Variants in TMCC1 observed in about 807,000 individuals in gnomAD.
TMCC1 encodes transmembrane and coiled-coil domains protein 1.
A neutral mutation model predicts 52.4 loss-of-function variants in TMCC1; 15 were observed. The observed-to-expected ratio is 0.29, with a 90% CI of 0.19 to 0.44. TMCC1 has a LOEUF of 0.44. Among genes scored for constraint, TMCC1 ranks in the 20% least tolerant of loss-of-function variants. The probability of loss-of-function intolerance (pLI) is 1.00; values close to 1 mark genes in which losing one functional copy is unlikely to be tolerated. For missense variants in TMCC1, 503 were observed against 806.0 expected (o/e 0.62, Z 4.55); for synonymous variants, 279 against 301.9 (o/e 0.92, Z 0.79).
chr3:129,863,481 T>TA lies in TMCC1; in HGVS notation c.-184+16827_-184+16828insT, dbSNP rs1577131606. Among the ~76,000 whole-genome samples, 3 of 152,148 alleles carry TA rather than the reference T, an allele frequency of 2.0e-5. No homozygotes were observed. In the East Asian group the frequency reaches 5.8e-4, roughly 29 times the overall value. On this transcript the variant is annotated intron_variant, in intron 2 of 6. Coordinates refer to ENST00000393238, the MANE Select transcript of TMCC1 (RefSeq NM_001017395.5). ...CCTCACAGAGATTGAATCCTGAGAT[T>TA]CTACTGAGAAGGTGAAAAGAAAAAG...
intron 2 of TMCC1, among the ~76,000 whole-genome samples, chr3:129,876,099 A>C (rs1234980953): frequency 6.7e-6 from 1 of 150,334 alleles, no homozygotes; most frequent in East Asian, 2.0e-4. Flanking sequence ...ACACCACTGC[A>C]CTCCAGCCTG....
Position 129,651,432 on chromosome 3 carries a change from G to T in TMCC1, c.*49C>A. 2 of 1,566,966 alleles carry T rather than the reference G, an allele frequency of 1.3e-6. No individual in the cohort carries two copies. Among genetic ancestry groups the T allele is most frequent in the Non-Finnish European group, 1.7e-6 (2 of 1,152,064 alleles). On this transcript the variant is annotated 3_prime_UTR_variant, in exon 7 of 7. Transcript: ENST00000393238. The surrounding 1 kb of genome is among the most constrained non-coding windows in gnomAD (Gnocchi z 5.1). ...TAGGTAAGTTGCTGTCTAACTCTCTGCTGCATGCACTCGCCAGAGGGTAGG... is the reference window on the plus strand; with the variant it reads ...TAGGTAAGTTGCTGTCTAACTCTCTTCTGCATGCACTCGCCAGAGGGTAGG...
intron 5 of TMCC1, among the ~76,000 whole-genome samples, chr3:129,669,664 A>G (rs867276792): frequency 2.6e-5 from 4 of 152,182 alleles, no homozygotes; most frequent in Non-Finnish European, 5.9e-5. Context: ...TCTGCGTGTG[A>G]AGGTAACAAG....
intron 2 of TMCC1, among the ~76,000 whole-genome samples, chr3:129,852,622 G>A (rs2059968859): frequency 1.3e-5 from 2 of 152,120 alleles, no homozygotes; most frequent in South Asian, 4.1e-4. Context: ...GGCTGGTCCT[G>A]ATGGTTACAC....
chr3:129,717,060 A>T (rs1308675502), intron 4 of TMCC1, among the ~76,000 whole-genome samples: 2 of 152,226 alleles, frequency 1.3e-5, no homozygotes, highest in African/African-American at 4.8e-5. Flanking sequence ...CCTGTCTTAA[A>T]TAAACTTCTT....
intron 4 of TMCC1, among the ~76,000 whole-genome samples, chr3:129,771,876 A>G (rs2054611648): frequency 6.6e-6 from 1 of 151,796 alleles, no homozygotes; most frequent in African/African-American, 2.4e-5. Context: ...AGATGGAGAA[A>G]CTAGTTAGAA....
At chr3:129,824,692 A>G (rs528589185) in intron 4 of TMCC1, among the ~76,000 whole-genome samples, 6 of 147,740 alleles carry the variant, frequency 4.1e-5, no homozygotes, top group African/African-American at 1.5e-4. Context: ...AGAAAGCCAA[A>G]ATACATCTTC....
chr3:129,746,748 C>G (rs983051869), intron 4 of TMCC1, among the ~76,000 whole-genome samples: 1 of 152,130 alleles, frequency 6.6e-6, no homozygotes, highest in Non-Finnish European at 1.5e-5. Context: ...ATACCTAATT[C>G]CCCTATATTC....
intron 4 of TMCC1, among the ~76,000 whole-genome samples, chr3:129,696,179 T>C (rs2047407498): frequency 6.6e-6 from 1 of 152,232 alleles, no homozygotes; most frequent in Non-Finnish European, 1.5e-5. Flanking sequence ...TGTCACCTAT[T>C]GTCTCTAAGG....
chr3:129,852,456 C>CAAA (rs1015860543), intron 2 of TMCC1, among the ~76,000 whole-genome samples: 31 of 39,768 alleles, frequency 7.8e-4, no homozygotes, highest in East Asian at 1.7e-3. Flanking sequence ...GACACCGTCT[C>CAAA]AAAAAAAAAA....
At chr3:129,673,894 C>T (rs749743320) in intron 4 of TMCC1, among the ~76,000 whole-genome samples, 6 of 152,072 alleles carry the variant, frequency 3.9e-5, no homozygotes, top group South Asian at 2.1e-4. Context: ...AATGACATTT[C>T]GGTCAATGAT....
At chr3:129,737,676 C>G (rs181022784) in intron 4 of TMCC1, among the ~76,000 whole-genome samples, 158 of 152,220 alleles carry the variant, frequency 1.0e-3, no homozygotes, top group African/African-American at 3.4e-3. Flanking sequence ...CCCAGTCTAG[C>G]GCATTTTGTT....
intron 5 of TMCC1, among the ~76,000 whole-genome samples, chr3:129,668,094 G>A (rs536323987): frequency 6.6e-6 from 1 of 152,264 alleles, no homozygotes; most frequent in East Asian, 1.9e-4. Context: ...AGGTTGAGAT[G>A]GGAGGATCAC....
chr3:129,678,244 C>T (rs1056147418), intron 4 of TMCC1, among the ~76,000 whole-genome samples: 3 of 151,644 alleles, frequency 2.0e-5, no homozygotes, highest in African/African-American at 7.3e-5. Context: ...TCTCATATAC[C>T]TTATATCCAT....
chr3:129,695,738 C>A (rs1477650275), intron 4 of TMCC1, among the ~76,000 whole-genome samples: 1 of 152,102 alleles, frequency 6.6e-6, no homozygotes, highest in East Asian at 1.9e-4. Flanking sequence ...CAAATCATAT[C>A]ATTCTGCCCC....
chr3:129,701,980 A>T (rs1038223432), intron 4 of TMCC1, among the ~76,000 whole-genome samples: 9 of 152,162 alleles, frequency 5.9e-5, no homozygotes, highest in Non-Finnish European at 7.4e-5. Flanking sequence ...ATAGAAAAAA[A>T]TTTTTTAAAA....
intron 1 of TMCC1, among the ~76,000 whole-genome samples, chr3:129,881,335 C>G (rs114581237): frequency 2.1e-4 from 32 of 152,266 alleles, no homozygotes; most frequent in African/African-American, 7.2e-4. Context: ...AAATCTATTT[C>G]AAGTTTTTTG....
intron 4 of TMCC1, among the ~76,000 whole-genome samples, chr3:129,821,624 G>A (rs896257770): frequency 2.4e-4 from 37 of 152,018 alleles, no homozygotes; most frequent in African/African-American, 8.2e-4. Context: ...GATTCTCATC[G>A]TCATCACTCT....
intron 4 of TMCC1, among the ~76,000 whole-genome samples, chr3:129,744,999 C>T (rs2051798316): frequency 6.6e-6 from 1 of 152,146 alleles, no homozygotes; most frequent in Non-Finnish European, 1.5e-5. Context: ...AGAGATTTCT[C>T]CATTATCACA....
Sources: allele counts gnomAD v4.1 joint callset (sites outside exome capture counted in the v4.1 genomes callset), GRCh38; gene constraint gnomAD v4.1.1; non-coding constraint Gnocchi (gnomAD v3.1); transcripts MANE v1.5; gene names NCBI Gene and HGNC (gene_info 2026-07-23, HGNC 2026-07-21).